Variants in ATL3 observed in about 807,000 individuals in gnomAD.
ATL3 encodes the protein atlastin GTPase 3, also known as atlastin-3.
A neutral mutation model predicts 69.5 loss-of-function variants in ATL3; 49 were observed. That is an observed-to-expected ratio of 0.71 (90% confidence interval 0.56 to 0.89). The LOEUF (loss-of-function observed/expected upper bound fraction) is 0.89. Among genes scored for constraint, ATL3 ranks in the 40% least tolerant of loss-of-function variants. The probability of loss-of-function intolerance (pLI) is 0.00; values close to 1 mark genes in which losing one functional copy is unlikely to be tolerated. For synonymous variants in ATL3, 214 were observed against 224.1 expected, an observed-to-expected ratio of 0.95 and a Z score of 0.40; for missense variants, 606 against 645.7, an observed-to-expected ratio of 0.94 and a Z score of 0.67.
At chr11:63,630,947 A>G in intron 12 of ATL3, 93 bp downstream of exon 12, 1 of 1,288,918 alleles carries the variant, frequency 7.8e-7, no homozygotes, top group East Asian at 2.3e-5. Flanking sequence ...TCATGTCTTC[A>G]CTATGAAATT....
At chr11:63,671,139 T>G in intron 1 of ATL3, 151 bp downstream of exon 1, 1 of 1,365,296 alleles carries the variant, frequency 7.3e-7, no homozygotes, top group Non-Finnish European at 9.6e-7. Context: ...CCACCACAAA[T>G]TCGGAAACCG....
intron 12 of ATL3, 116 bp from the exon 13 acceptor site, chr11:63,629,521 G>T (rs116240484): frequency 1.1e-6 from 1 of 875,268 alleles, no homozygotes. Context: ...ACAGAAAGCA[G>T]TTGAATGAAA....
rs1939762061 is a variant in ATL3, at chr11:63,643,409, T to C, written c.798A>G (p.Pro266=). The C allele has an allele frequency of 6.2e-7, 1 of 1,611,032 alleles. No individual in the cohort carries two copies. Among genetic ancestry groups the C allele is most frequent in the Non-Finnish European group, 8.5e-7 (1 of 1,178,600 alleles). The change falls in exon 8 of 13, where the codon CCA becomes CCG. Residue 266 remains proline (P), a synonymous_variant. Coordinates refer to ENST00000398868, the MANE Select transcript of ATL3 (RefSeq NM_015459.5). ...CFSDVTCFLL[P]HPGLQVATSP... ...TTGTGGCCACCTGGAGTCCTGGATG[T>C]GGTAAGAGAAAGCAGGTGACATCGG...
rs566739008 is a variant in ATL3, at chr11:63,626,419, G to A, written c.*2900C>T. ...AATAAAACAAGGCATGACTCTGAAG[G>A]TGTTTTATCATACATAGTAGTTTGT... On this transcript the variant is annotated 3_prime_UTR_variant, in exon 13 of 13. Transcript: ENST00000398868. The A allele has an allele frequency of 1.3e-5, 2 of 152,216 alleles. No homozygotes were observed. The highest frequency in any genetic ancestry group is 2.1e-4 in the South Asian group (1 of 4,830). The allele number at this position is 152,216 out of a possible 1,614,324, so 9.4% of individuals were successfully genotyped here. A position where few individuals can be genotyped will look rare whatever the true frequency, so the allele number is the denominator to read the frequency against.
Position 63,651,992 on chromosome 11 carries a change from A to G in ATL3, c.511-6T>C, listed in dbSNP as rs545160035. 1.4e-5 allele frequency: 23 copies of G among 1,602,562 alleles called. 1 individual carries two copies. The highest frequency in any genetic ancestry group is 2.0e-5 in the Non-Finnish European group (23 of 1,176,646). On this transcript the variant is annotated splice_polypyrimidine_tract_variant and splice_region_variant and intron_variant, in intron 4 of 12. Coordinates refer to ENST00000398868, the MANE Select transcript of ATL3 (RefSeq NM_015459.5). ...TTCTGAGATAAATTATAAATCTAGA[A>G]AACAAAAATCCAGATTGATACTACT...
intron 11 of ATL3, chr11:63,632,186 A>C: frequency 1.8e-6 from 1 of 557,476 alleles, no homozygotes; most frequent in Non-Finnish European, 3.4e-6. Context: ...TATAGAACAG[A>C]TCTATGACCA....
intron 6 of ATL3, 58 bp from the exon 7 acceptor site, chr11:63,644,319 C>A: frequency 4.1e-6 from 4 of 972,336 alleles, no homozygotes; most frequent in South Asian, 2.7e-5. Flanking sequence ...TTCAAGAGAA[C>A]AACTGCAATA....
At chr11:63,649,139 A>T (rs1798587976) in intron 5 of ATL3, among the ~76,000 whole-genome samples, 1 of 152,182 alleles carries the variant, frequency 6.6e-6, no homozygotes, top group African/African-American at 2.4e-5. Flanking sequence ...AAAATAAAAA[A>T]AGTACTAAAA....
chr11:63,649,676 C>T (rs1368309631), intron 5 of ATL3, among the ~76,000 whole-genome samples: 1 of 151,684 alleles, frequency 6.6e-6, no homozygotes. Flanking sequence ...CGATTACAGG[C>T]ATTTGCCACC....
In ATL3 at chr11:63,633,089, A is replaced by G. The variant is rs200826488; in HGVS notation, c.1044T>C (p.Ala348=). ...CTGCAGCTGCTAAGTTGTTGGCTTCAGCAGTGGCCTTTTAAGAGAGAAAAA... is the reference window on the plus strand; with the variant it reads ...CTGCAGCTGCTAAGTTGTTGGCTTCGGCAGTGGCCTTTTAAGAGAGAAAAA... ...PHPKSMLQAT[A]EANNLAAAAS... The change falls in exon 11 of 13, where the codon GCT becomes GCC. Residue 348 remains alanine, a synonymous_variant. Transcript: ENST00000398868. 31 of 1,614,106 alleles carry G rather than the reference A, an allele frequency of 1.9e-5. No homozygotes were observed. The highest frequency in any genetic ancestry group is 2.6e-5 in the Non-Finnish European group (31 of 1,179,926).
In ATL3 at chr11:63,624,688, G is replaced by T. The variant is rs1939047296; in HGVS notation, c.*4631C>A. 6.6e-6 allele frequency: 1 copy of T among 152,106 alleles called. No homozygotes were observed. The highest frequency in any genetic ancestry group is 1.5e-5 in the Non-Finnish European group (1 of 68,014). 9.4% of individuals were successfully genotyped at this position (152,106 alleles called of 1,614,324 possible). A position where few individuals can be genotyped will look rare whatever the true frequency, so the allele number is the denominator to read the frequency against. On this transcript the variant is annotated 3_prime_UTR_variant, in exon 13 of 13. Transcript: ENST00000398868. ...AAAATCCTAATTACATTAGAAAATA[G>T]GATACCTGTACATTCATTTTTCAGA...
intron 1 of ATL3, among the ~76,000 whole-genome samples, chr11:63,661,727 T>C (rs2134531036): frequency 6.6e-6 from 1 of 151,992 alleles, no homozygotes; most frequent in Non-Finnish European, 1.5e-5. Context: ...CCATCTCTAC[T>C]AAAAATACAA....
intron 7 of ATL3, 79 bp from the exon 8 acceptor site, chr11:63,643,574 G>A (rs558371323): frequency 2.2e-6 from 3 of 1,373,938 alleles, no homozygotes; most frequent in African/African-American, 2.9e-5. Flanking sequence ...TAAGGACAAA[G>A]GAAAGAAGAC....
chr11:63,657,289 A>T (rs1940285681), intron 3 of ATL3, among the ~76,000 whole-genome samples: 1 of 152,068 alleles, frequency 6.6e-6, no homozygotes, highest in Non-Finnish European at 1.5e-5. Flanking sequence ...AATGGATGAA[A>T]GTCTGTATAA....
chr11:63,664,293 C>T (rs1370195175), intron 1 of ATL3, among the ~76,000 whole-genome samples: 7 of 152,126 alleles, frequency 4.6e-5, no homozygotes, highest in African/African-American at 7.2e-5. Flanking sequence ...AATCCCAGCA[C>T]CTTGGGAGGC....
At chr11:63,666,629 G>A (rs1036334267) in intron 1 of ATL3, among the ~76,000 whole-genome samples, 1 of 148,688 alleles carries the variant, frequency 6.7e-6, no homozygotes, top group Admixed American at 6.7e-5. Context: ...GGGGTGGATC[G>A]CACACCGTGC....
chr11:63,646,859 G>T (rs1276525652), intron 5 of ATL3, among the ~76,000 whole-genome samples: 1 of 152,092 alleles, frequency 6.6e-6, no homozygotes, highest in Admixed American at 6.5e-5. Context: ...CAACACAGCA[G>T]CCACATTGAC....
At position 63,624,759 on chromosome 11, in the gene ATL3, T is replaced by C. The variant is rs1156712882; in HGVS notation, c.*4560A>G. ...GAAAAACAGCTTTAAAGAGCTTAGA[T>C]AATCCTCTGAATTAAAGGCATTCTT... is the stretch of plus-strand genomic sequence containing the variant. On this transcript the variant is annotated 3_prime_UTR_variant, in exon 13 of 13. Transcript: ENST00000398868. 3 of 152,218 alleles carry C rather than the reference T, an allele frequency of 2.0e-5. No homozygotes were observed. The highest frequency in any genetic ancestry group is 7.2e-5 in the African/African-American group (3 of 41,450). The allele number at this position is 152,218 out of a possible 1,614,324, so 9.4% of individuals were successfully genotyped here. A position where few individuals can be genotyped will look rare whatever the true frequency, so the allele number is the denominator to read the frequency against.
chr11:63,666,342 C>A (rs999487601), intron 1 of ATL3, among the ~76,000 whole-genome samples: 1 of 150,990 alleles, frequency 6.6e-6, no homozygotes, highest in African/African-American at 2.4e-5. Flanking sequence ...CCCGGCCTAC[C>A]CTCTATTTGG....
Sources: gnomAD v4.1 joint callset for allele counts (sites outside exome capture counted in the v4.1 genomes callset) on GRCh38, gnomAD v4.1.1 for gene constraint, MANE v1.5 for transcripts, NCBI Gene and HGNC (gene_info 2026-07-23, HGNC 2026-07-21) for gene names.